ASIC2: variants seen among roughly 807,000 people sequenced by gnomAD.
ASIC2 encodes acid-sensing ion channel 2.
ASIC2 carries 25 observed loss-of-function variants against 57.3 expected under a neutral mutation model. The ratio of observed to expected loss-of-function variants is 0.44; its 90% CI spans 0.32 to 0.61. The LOEUF is 0.61. Ranked by LOEUF, ASIC2 falls within the 20% of genes least tolerant of loss-of-function variation. The pLI, the probability that ASIC2 is intolerant of heterozygous loss-of-function variation, is 0.06. For synonymous variants in ASIC2, 319 were observed against 307.5 expected, an observed-to-expected ratio of 1.04 and a Z score of -0.39; for missense variants, 641 against 738.1, an observed-to-expected ratio of 0.87 and a Z score of 1.52.
intron 1 of ASIC2, among the ~76,000 whole-genome samples, chr17:33,269,395 G>A (rs1000648871): frequency 6.6e-6 from 1 of 152,070 alleles, no homozygotes; most frequent in African/African-American, 2.4e-5. Flanking sequence ...TGTCCCATCG[G>A]GGGGAAACAC....
chr17:33,562,855 A>T (rs1010443627), intron 1 of ASIC2, among the ~76,000 whole-genome samples: 1 of 152,126 alleles, frequency 6.6e-6, no homozygotes, highest in African/African-American at 2.4e-5. Context: ...TGACATGTGG[A>T]TCCCACACTC....
At chr17:33,163,973 C>CA (rs1384252953) in intron 1 of ASIC2, among the ~76,000 whole-genome samples, 1 of 152,188 alleles carries the variant, frequency 6.6e-6, no homozygotes, top group African/African-American at 2.4e-5. Context: ...ACTGCAGGGA[C>CA]AACTACTGCG....
At chr17:33,234,692 C>G (rs1327884808) in intron 1 of ASIC2, among the ~76,000 whole-genome samples, 1 of 152,228 alleles carries the variant, frequency 6.6e-6, no homozygotes, top group Non-Finnish European at 1.5e-5. Flanking sequence ...TTCCCATTTC[C>G]TAAATGGCAT....
intron 1 of ASIC2, among the ~76,000 whole-genome samples, chr17:33,330,081 G>C (rs953434425): frequency 6.6e-6 from 1 of 152,154 alleles, no homozygotes; most frequent in Non-Finnish European, 1.5e-5. Flanking sequence ...TCCTGTGTTT[G>C]TATGCATTTA....
At chr17:33,366,576 T>C (rs1261726045) in intron 1 of ASIC2, among the ~76,000 whole-genome samples, 4 of 152,254 alleles carry the variant, frequency 2.6e-5, no homozygotes, top group African/African-American at 9.6e-5. Context: ...TCAAGGATCC[T>C]TTCTTATCCT....
intron 3 of ASIC2, among the ~76,000 whole-genome samples, chr17:33,081,113 C>T (rs1178127893): frequency 1.3e-5 from 2 of 152,058 alleles, no homozygotes; most frequent in Non-Finnish European, 1.5e-5. Flanking sequence ...TTTTTGATTC[C>T]CCAACAGTGC....
intron 1 of ASIC2, among the ~76,000 whole-genome samples, chr17:33,717,879 A>T (rs751443578): frequency 6.6e-6 from 1 of 152,216 alleles, no homozygotes; most frequent in African/African-American, 2.4e-5. Flanking sequence ...TAAATGGTAG[A>T]TCTTCTTACA....
chr17:33,015,826 G>C, intron 9 of ASIC2, 145 bp downstream of exon 9: 1 of 788,602 alleles, frequency 1.3e-6, no homozygotes, highest in South Asian at 1.7e-5. Flanking sequence ...GAGTGTCCTT[G>C]GATTTGGGAA....
chr17:34,023,377 A>AC (rs1491541457), intron 1 of ASIC2, among the ~76,000 whole-genome samples: 10 of 114,048 alleles, frequency 8.8e-5, no homozygotes, highest in African/African-American at 2.0e-4. Context: ...TCTCTGTCAC[A>AC]AACACACACA....
At chr17:33,464,514 T>TC (rs1912767926) in intron 1 of ASIC2, among the ~76,000 whole-genome samples, 2 of 38,932 alleles carry the variant, frequency 5.1e-5, no homozygotes, top group Admixed American at 2.1e-4. Flanking sequence ...CTTTCTTTCT[T>TC]TCTTTCTTTC....
At chr17:33,971,121 C>T (rs924612745) in intron 1 of ASIC2, among the ~76,000 whole-genome samples, 20 of 152,182 alleles carry the variant, frequency 1.3e-4, no homozygotes, top group Non-Finnish European at 2.4e-4. Flanking sequence ...CACAGTGGCA[C>T]GCAGTCCTCC....
intron 1 of ASIC2, among the ~76,000 whole-genome samples, chr17:33,395,701 G>C (rs1324323316): frequency 6.6e-6 from 1 of 152,194 alleles, no homozygotes; most frequent in Non-Finnish European, 1.5e-5. Context: ...TGGGCATGTT[G>C]GGAATTCTGT....
chr17:34,084,593 C>T (rs1231079983), intron 1 of ASIC2, among the ~76,000 whole-genome samples: 1 of 152,120 alleles, frequency 6.6e-6, no homozygotes, highest in Admixed American at 6.5e-5. Context: ...TCATTGGTTG[C>T]TTGATGAGGA....
chr17:33,131,236 G>A (rs2092344969), intron 1 of ASIC2, among the ~76,000 whole-genome samples: 1 of 152,144 alleles, frequency 6.6e-6, no homozygotes, highest in Non-Finnish European at 1.5e-5. Context: ...TAAGGGATGA[G>A]TGTCTGCATG....
intron 1 of ASIC2, among the ~76,000 whole-genome samples, chr17:34,099,092 TAA>T (rs1184713805): frequency 1.0e-5 from 1 of 98,460 alleles, no homozygotes; most frequent in Non-Finnish European, 2.0e-5. Flanking sequence ...GCAGCTACAT[TAA>T]GAGAGAAAAG....
chr17:33,373,407 GT>G (rs1226469803), intron 1 of ASIC2, among the ~76,000 whole-genome samples: 1 of 152,212 alleles, frequency 6.6e-6, no homozygotes, highest in Non-Finnish European at 1.5e-5. Context: ...AAGGAATTTA[GT>G]TTATAGTTTA....
chr17:33,017,694 G>A lies in ASIC2; in HGVS notation c.1442-10C>T, dbSNP rs1467599898. ...TGACCACCAATATCACCTGGAGAGA[G>A]AGGGAAAAGACCAAAGCTTTGCTTT... On this transcript the variant is annotated splice_polypyrimidine_tract_variant and intron_variant, in intron 7 of 9. Coordinates refer to ENST00000225823, the MANE Select transcript of ASIC2 (RefSeq NM_183377.2). 4 of 1,610,972 alleles carry A rather than the reference G, an allele frequency of 2.5e-6. No individual in the cohort carries two copies. In the African/African-American group the frequency reaches 5.3e-5, roughly 22 times the overall value.
intron 1 of ASIC2, among the ~76,000 whole-genome samples, chr17:33,357,798 T>C (rs995117020): frequency 6.6e-6 from 1 of 152,226 alleles, no homozygotes; most frequent in Non-Finnish European, 1.5e-5. Context: ...ACTTCCATTA[T>C]GCTAAGCCTC....
chr17:33,197,562 T>C (rs770127247), intron 1 of ASIC2, among the ~76,000 whole-genome samples: 1 of 152,166 alleles, frequency 6.6e-6, no homozygotes, highest in Non-Finnish European at 1.5e-5. Flanking sequence ...CACCTTTGGG[T>C]CTATCCTCTC....
Sources: allele counts gnomAD v4.1 joint callset (sites outside exome capture counted in the v4.1 genomes callset), GRCh38; gene constraint gnomAD v4.1.1; transcripts MANE v1.5; gene names NCBI Gene and HGNC (gene_info 2026-07-23, HGNC 2026-07-21).